Variants in DPP10 observed in about 807,000 individuals in gnomAD.
The protein encoded by DPP10 is inactive dipeptidyl peptidase 10.
Under a neutral mutation model 120.9 loss-of-function variants are expected in DPP10, and 33 were observed. The ratio of observed to expected loss-of-function variants is 0.27; its 90% CI spans 0.21 to 0.37. The LOEUF (loss-of-function observed/expected upper bound fraction) is 0.37, where lower values mean the gene tolerates loss of function less well. Among genes scored for constraint, DPP10 ranks in the 10% least tolerant of loss-of-function variants. The pLI, the probability that DPP10 is intolerant of heterozygous loss-of-function variation, is 1.00. For synonymous variants in DPP10, 337 were observed against 326.1 expected (o/e 1.03, Z -0.36); for missense variants, 816 against 942.8 (o/e 0.87, Z 1.76).
intron 7 of DPP10, among the ~76,000 whole-genome samples, chr2:115,727,371 T>G (rs1260944845): frequency 6.6e-6 from 1 of 152,174 alleles, no homozygotes; most frequent in Non-Finnish European, 1.5e-5. Flanking sequence ...ATCTAGAGAT[T>G]ATTTTATTGA....
At chr2:114,552,148 A>C (rs948380144) in intron 1 of DPP10, among the ~76,000 whole-genome samples, 168 of 152,210 alleles carry the variant, frequency 1.1e-3, no homozygotes, top group Non-Finnish European at 1.5e-3. Context: ...CAGCTTTTTC[A>C]GCTGTTAGCT....
At chr2:114,742,367 T>C (rs1342776309) in intron 1 of DPP10, among the ~76,000 whole-genome samples, 1 of 152,210 alleles carries the variant, frequency 6.6e-6, no homozygotes, top group Non-Finnish European at 1.5e-5. Flanking sequence ...ATATTTGGCA[T>C]ATGAAAAGTA....
At chr2:115,642,961 A>G (rs899557730) in intron 5 of DPP10, among the ~76,000 whole-genome samples, 5 of 152,160 alleles carry the variant, frequency 3.3e-5, no homozygotes, top group Admixed American at 2.6e-4. Context: ...AATTAAACAG[A>G]TTGACCTCAT....
At chr2:114,517,925 C>T (rs745628653) in intron 1 of DPP10, among the ~76,000 whole-genome samples, 2 of 152,154 alleles carry the variant, frequency 1.3e-5, no homozygotes, top group Non-Finnish European at 2.9e-5. Flanking sequence ...TATAGGCAGT[C>T]ATTGGCCTTT....
chr2:115,319,592 T>C (rs1223090728), intron 2 of DPP10, among the ~76,000 whole-genome samples: 3 of 152,220 alleles, frequency 2.0e-5, no homozygotes, highest in Admixed American at 6.5e-5. Context: ...GGCATTTTAT[T>C]TCTTCTTGAA....
chr2:114,884,700 C>G (rs1691913428), intron 1 of DPP10, among the ~76,000 whole-genome samples: 1 of 152,146 alleles, frequency 6.6e-6, no homozygotes, highest in Non-Finnish European at 1.5e-5. Flanking sequence ...CCTTTTATCC[C>G]TTACCCTCCT....
chr2:115,123,379 T>G (rs2049919017), intron 1 of DPP10, among the ~76,000 whole-genome samples: 1 of 152,178 alleles, frequency 6.6e-6, no homozygotes, highest in Non-Finnish European at 1.5e-5. Context: ...TATTCTTCCC[T>G]TGGGGTGGCC....
chr2:114,698,095 G>C (rs1029175346), intron 1 of DPP10, among the ~76,000 whole-genome samples: 2 of 152,016 alleles, frequency 1.3e-5, no homozygotes, highest in Admixed American at 6.6e-5. Context: ...TGTACAGATA[G>C]GTACCCTTCT....
chr2:115,061,854 A>G (rs1706432525), intron 1 of DPP10, among the ~76,000 whole-genome samples: 1 of 152,144 alleles, frequency 6.6e-6, no homozygotes, highest in African/African-American at 2.4e-5. Context: ...AGAGTAGATA[A>G]TATGTCTTTT....
At chr2:115,247,717 G>A (rs1419977509) in intron 1 of DPP10, among the ~76,000 whole-genome samples, 2 of 152,100 alleles carry the variant, frequency 1.3e-5, no homozygotes, top group East Asian at 3.9e-4. Flanking sequence ...AGAATGCATG[G>A]AGGTAAAAAC....
At position 115,191,748 on chromosome 2, in the gene DPP10, G is replaced by C. The variant is rs189188991; in HGVS notation, c.61-117491G>C. Among the ~76,000 whole-genome samples the C allele has an allele frequency of 7.2e-5, 11 of 152,280 alleles. No homozygotes were observed. In the East Asian group the frequency reaches 2.1e-3, roughly 29 times the overall value. ...ACTAGGTAAGATCCTTCCCAGGCCG[G>C]TTCGAGCTTTTCCTTCTCTCCAGCT... is the stretch of plus-strand genomic sequence containing the variant. On this transcript the variant is annotated intron_variant, in intron 1 of 25. Coordinates refer to ENST00000410059, the MANE Select transcript of DPP10 (RefSeq NM_020868.6).
intron 1 of DPP10, among the ~76,000 whole-genome samples, chr2:115,234,157 C>G (rs1304457060): frequency 6.6e-6 from 1 of 152,160 alleles, no homozygotes; most frequent in Non-Finnish European, 1.5e-5. Flanking sequence ...GCAGCCCACA[C>G]TTAGAAATAA....
intron 1 of DPP10, among the ~76,000 whole-genome samples, chr2:114,938,360 C>T (rs545930989): frequency 1.3e-3 from 201 of 152,022 alleles, no homozygotes; most frequent in Non-Finnish European, 2.4e-3. Flanking sequence ...TTAATGCCAC[C>T]ATAAATATTG....
chr2:115,676,907 AAG>A (rs2090310470), intron 5 of DPP10, among the ~76,000 whole-genome samples: 1 of 152,226 alleles, frequency 6.6e-6, no homozygotes, highest in Non-Finnish European at 1.5e-5. Flanking sequence ...TCACAAGATA[AAG>A]AGAGACTTCT....
At chr2:114,872,477 A>T (rs1690769433) in intron 1 of DPP10, among the ~76,000 whole-genome samples, 1 of 152,190 alleles carries the variant, frequency 6.6e-6, no homozygotes, top group Admixed American at 6.5e-5. Flanking sequence ...AGATCATATC[A>T]CAGACTCATA....
chr2:114,626,226 C>G (rs1404933053), intron 1 of DPP10, among the ~76,000 whole-genome samples: 2 of 151,682 alleles, frequency 1.3e-5, no homozygotes, highest in African/African-American at 2.4e-5. Context: ...TTATCAAAAA[C>G]ACAGTTTATG....
chr2:115,610,352 T>G (rs530529601), intron 5 of DPP10, among the ~76,000 whole-genome samples: 2 of 152,164 alleles, frequency 1.3e-5, no homozygotes, highest in East Asian at 3.9e-4. Flanking sequence ...AGGGTACAAG[T>G]TGTTATATTC....
intron 5 of DPP10, among the ~76,000 whole-genome samples, chr2:115,608,981 G>A (rs1261973710): frequency 6.6e-6 from 1 of 151,700 alleles, no homozygotes; most frequent in Non-Finnish European, 1.5e-5. Flanking sequence ...ACAAATTCCA[G>A]GAAGAAAGAA....
intron 3 of DPP10, among the ~76,000 whole-genome samples, chr2:115,384,295 G>T (rs1056141921): frequency 2.0e-5 from 3 of 151,982 alleles, no homozygotes; most frequent in African/African-American, 7.2e-5. Flanking sequence ...GATCACTGGA[G>T]ACTAGGAGTT....
Sources: gnomAD v4.1 joint callset for allele counts (sites outside exome capture counted in the v4.1 genomes callset) on GRCh38, gnomAD v4.1.1 for gene constraint, MANE v1.5 for transcripts, NCBI Gene and HGNC (gene_info 2026-07-23, HGNC 2026-07-21) for gene names.